PARP16: variants seen among roughly 807,000 people sequenced by gnomAD.
PARP16 encodes protein mono-ADP-ribosyltransferase PARP16.
In PARP16, 31 loss-of-function variants were observed where a neutral mutation model predicts 35.0. That is an observed-to-expected ratio of 0.88 (90% CI 0.66 to 1.19). The LOEUF (loss-of-function observed/expected upper bound fraction) is 1.19, where lower values mean the gene tolerates loss of function less well. PARP16 is among the 50% of genes most tolerant of loss of function. The pLI is 0.00. For synonymous variants in PARP16, 162 were observed against 169.5 expected (o/e 0.96, Z 0.34); for missense variants, 424 against 411.2 (o/e 1.03, Z -0.27).
chr15:65,262,134 CTTTT>C (rs958810685), intron 4 of PARP16, among the ~76,000 whole-genome samples: 5 of 132,224 alleles, frequency 3.8e-5, no homozygotes, highest in East Asian at 4.3e-4. Context: ...TTTTTTCTTT[CTTTT>C]TTTTTTTTTT....
chr15:65,275,674 AC>A, intron 1 of PARP16, among the ~76,000 whole-genome samples: 1 of 151,998 alleles, frequency 6.6e-6, no homozygotes, highest in Non-Finnish European at 1.5e-5. Flanking sequence ...CCTGTGAAGG[AC>A]CCTGTACTCC....
At chr15:65,250,693 T>A (rs1018663719) in intron 2 of PARP16, among the ~76,000 whole-genome samples, 1 of 152,072 alleles carries the variant, frequency 6.6e-6, no homozygotes, top group Non-Finnish European at 1.5e-5. Context: ...GCTCCTCCAG[T>A]GTAGTTTACA....
At chr15:65,279,275 C>T (rs867045656) in intron 1 of PARP16, among the ~76,000 whole-genome samples, 2 of 152,170 alleles carry the variant, frequency 1.3e-5, no homozygotes, top group Admixed American at 6.5e-5. Flanking sequence ...CTCAAGACAG[C>T]GCCACACAAA....
At position 65,258,436 on chromosome 15, in the gene PARP16, A is replaced by T. The variant is rs2089580653; in HGVS notation, c.*971T>A. 6.6e-6 allele frequency: 1 copy of T among 152,236 alleles called. No individual in the cohort carries two copies. The highest frequency in any genetic ancestry group is 2.4e-5 in the African/African-American group (1 of 41,450). The allele number at this position is 152,236 out of a possible 1,614,324, so 9.4% of individuals were successfully genotyped here. On this transcript the variant is annotated 3_prime_UTR_variant, in exon 6 of 6. Transcript: ENST00000649807. ...CACACTGGGGCAGGCCTCTGTCTTG[A>T]AGGCCAGTAGGCCACAGAAGACCTG...
chr15:65,251,925 C>G (rs548166534), intron 2 of PARP16, among the ~76,000 whole-genome samples: 6 of 152,026 alleles, frequency 3.9e-5, no homozygotes, highest in African/African-American at 1.4e-4. Context: ...CCACCCCGCC[C>G]GGCTAATTTT....
At chr15:65,273,460 G>A (rs1163545548) in intron 1 of PARP16, among the ~76,000 whole-genome samples, 1 of 151,932 alleles carries the variant, frequency 6.6e-6, no homozygotes, top group Non-Finnish European at 1.5e-5. Flanking sequence ...AAGGCCAGGA[G>A]TTAGAGACCA....
In PARP16 at chr15:65,286,391, C is replaced by A; in HGVS notation, c.36G>T (p.Ala12=). The part of the protein sequence containing the change: ...QPSGWAAARE[A]AGRDMLAADL... ...CGGCGGCCAGCATGTCGCGGCCCGCCGCCTCCCTGGCGGCCGCCCAGCCTG... is the reference window on the plus strand; with the variant it reads ...CGGCGGCCAGCATGTCGCGGCCCGCAGCCTCCCTGGCGGCCGCCCAGCCTG... The change falls in exon 1 of 6, where the codon GCG becomes GCT. Residue 12 remains alanine (A), a synonymous_variant. Coordinates refer to ENST00000649807, the MANE Select transcript of PARP16 (RefSeq NM_001316943.2). The A allele has an allele frequency of 6.4e-7, 1 of 1,555,916 alleles. No individual in the cohort carries two copies. Among genetic ancestry groups the A allele is most frequent in the Non-Finnish European group, 8.7e-7 (1 of 1,154,800 alleles).
chr15:65,245,581 G>A (rs1193920621), intron 3 of PARP16, among the ~76,000 whole-genome samples: 2 of 152,112 alleles, frequency 1.3e-5, no homozygotes, highest in Admixed American at 1.3e-4. Context: ...AGAGCTGCTT[G>A]TATGGAAGCA....
chr15:65,239,456 G>GAA (rs1567007942), intron 3 of PARP16, among the ~76,000 whole-genome samples: 1 of 60,262 alleles, frequency 1.7e-5, no homozygotes, highest in Non-Finnish European at 3.5e-5. Context: ...AAAAAAAAGA[G>GAA]AGAAAAGAAA....
At chr15:65,269,198 T>C (rs78935206) in intron 2 of PARP16, among the ~76,000 whole-genome samples, 1,563 of 86,724 alleles carry the variant, frequency 0.018, 50 homozygotes, top group African/African-American at 0.045. Flanking sequence ...CTTTCTTTCT[T>C]TCTTTCTTTT....
chr15:65,283,101 A>G (rs2090468614), intron 1 of PARP16, among the ~76,000 whole-genome samples: 1 of 152,158 alleles, frequency 6.6e-6, no homozygotes, highest in Non-Finnish European at 1.5e-5. Context: ...AATAAGTTCC[A>G]GATTCTAGTC....
chr15:65,258,819 G>A lies in PARP16; in HGVS notation c.*588C>T, dbSNP rs555610507. ...TTTCTCATCCATGGTTTTTTGGGGAGGGGGGCAAGTACAGCTATAGGAGAA... is the reference window on the plus strand; with the variant it reads ...TTTCTCATCCATGGTTTTTTGGGGAAGGGGGCAAGTACAGCTATAGGAGAA... On this transcript the variant is annotated 3_prime_UTR_variant, in exon 6 of 6. Transcript: ENST00000649807. 6.5e-6 allele frequency: 1 copy of A among 152,700 alleles called. No individual in the cohort carries two copies. Among genetic ancestry groups the A allele is most frequent in the Admixed American group, 6.5e-5 (1 of 15,292 alleles). 9.5% of individuals were successfully genotyped at this position (152,700 alleles called of 1,614,324 possible).
chr15:65,271,114 A>G (rs1435538065), intron 1 of PARP16, 42 bp from the exon 2 acceptor site: 2 of 1,611,192 alleles, frequency 1.2e-6, no homozygotes, highest in African/African-American at 1.3e-5. Flanking sequence ...GATCCCGGAC[A>G]CAGTGATAAT....
intron 2 of PARP16, among the ~76,000 whole-genome samples, chr15:65,252,268 G>A (rs2089381826): frequency 6.6e-6 from 1 of 152,142 alleles, no homozygotes; most frequent in African/African-American, 2.4e-5. Flanking sequence ...ATGAACCCTG[G>A]GTGACAAGAA....
At chr15:65,253,284 C>T (rs1184486255), downstream of PARP16, among the ~76,000 whole-genome samples, 1 of 152,202 alleles carries the variant, frequency 6.6e-6, no homozygotes, top group South Asian at 2.1e-4. Context: ...GAAACCCCCA[C>T]TCATCCACAA....
intron 3 of PARP16, among the ~76,000 whole-genome samples, chr15:65,245,684 C>G (rs944171452): frequency 2.0e-5 from 3 of 152,098 alleles, no homozygotes; most frequent in African/African-American, 4.8e-5. Flanking sequence ...CCAGGAGGCC[C>G]CACTCATGGT....
At chr15:65,235,639 C>CA (rs57790733) in intron 3 of PARP16, among the ~76,000 whole-genome samples, 6,097 of 83,482 alleles carry the variant, frequency 0.073, 258 homozygotes, top group African/African-American at 0.16. Flanking sequence ...CCTATCTCTA[C>CA]AAAAAAAAAA....
chr15:65,259,726 G>A (rs1252689726), intron 5 of PARP16, among the ~76,000 whole-genome samples, 184 bp from the exon 6 acceptor site: 7 of 152,294 alleles, frequency 4.6e-5, no homozygotes, highest in African/African-American at 1.7e-4. Context: ...GCACTGACAC[G>A]CCTTTCAACA....
intron 1 of PARP16, among the ~76,000 whole-genome samples, chr15:65,273,139 G>T (rs2090141378): frequency 6.6e-6 from 1 of 151,882 alleles, no homozygotes; most frequent in Non-Finnish European, 1.5e-5. Flanking sequence ...TTAGTTGGGT[G>T]TGGTGGCATG....
Sources: allele counts gnomAD v4.1 joint callset (sites outside exome capture counted in the v4.1 genomes callset), GRCh38; gene constraint gnomAD v4.1.1; transcripts MANE v1.5; gene names NCBI Gene and HGNC (gene_info 2026-07-23, HGNC 2026-07-21).